The following PP2D1 variants were observed in gnomAD, a reference collection of about 807,000 sequenced individuals.
The protein encoded by PP2D1 is protein phosphatase 2C like domain containing 1.
Under a neutral mutation model 30.2 loss-of-function variants are expected in PP2D1, and 25 were observed. That is an observed-to-expected ratio of 0.83 (90% CI 0.60 to 1.16). The LOEUF (loss-of-function observed/expected upper bound fraction) is 1.16. Among genes scored for constraint, PP2D1 ranks in the 50% most tolerant of loss-of-function variants. PP2D1 has a pLI of 0.00. For synonymous variants in PP2D1, 260 were observed against 258.9 expected, an observed-to-expected ratio of 1.00 and a Z score of -0.04; for missense variants, 760 against 742.4, an observed-to-expected ratio of 1.02 and a Z score of -0.28.
At chr3:19,980,078 G>A (rs1696893681) in exon 4 of PP2D1, 1 of 152,166 alleles carries the variant, frequency 6.6e-6, no homozygotes, top group African/African-American at 2.4e-5. Context: ...AAAAACTCAA[G>A]TTTGCAGTTT....
intron 1 of PP2D1, among the ~76,000 whole-genome samples, chr3:20,003,468 C>T (rs940671508): frequency 4.0e-5 from 6 of 151,478 alleles, no homozygotes; most frequent in East Asian, 1.9e-4. Flanking sequence ...TTTAGCTGGG[C>T]GCGATGGCTC....
At chr3:19,993,976 C>G (rs973051696) in intron 2 of PP2D1, among the ~76,000 whole-genome samples, 1 of 151,874 alleles carries the variant, frequency 6.6e-6, no homozygotes, top group Non-Finnish European at 1.5e-5. Flanking sequence ...TTGTGATCCA[C>G]CCACCTCGGC....
intron 1 of PP2D1, among the ~76,000 whole-genome samples, chr3:20,010,097 A>C (rs1417471353): frequency 6.6e-6 from 1 of 151,752 alleles, no homozygotes; most frequent in Non-Finnish European, 1.5e-5. Context: ...ACCTTATTTT[A>C]TGTTATTTTA....
chr3:19,991,426 A>G (rs899647310), intron 2 of PP2D1, among the ~76,000 whole-genome samples: 1 of 152,182 alleles, frequency 6.6e-6, no homozygotes, highest in Non-Finnish European at 1.5e-5. Flanking sequence ...AAAACAAGAG[A>G]GTTTAAAGAA....
Position 20,011,755 on chromosome 3 carries a change from C to T in PP2D1, c.23+295G>A, listed in dbSNP as rs1056197830. On this transcript the variant is annotated intron_variant, in intron 1 of 2. Transcript: ENST00000389050. Reference sequence around the variant, plus strand: ...CGGAGTTTGCAGTGAGCCGAGATCGCGCCATTGCACTCCAGCCTGGGCAAC... The same window carrying T: ...CGGAGTTTGCAGTGAGCCGAGATCGTGCCATTGCACTCCAGCCTGGGCAAC... 4.0e-5 allele frequency among the ~76,000 whole-genome samples: 6 copies of T among 151,832 alleles called. No individual in the cohort carries two copies. In the East Asian group the frequency reaches 5.8e-4, roughly 15 times the overall value.
At chr3:19,990,902 A>G (rs1308029683) in intron 2 of PP2D1, among the ~76,000 whole-genome samples, 2 of 152,164 alleles carry the variant, frequency 1.3e-5, no homozygotes, top group African/African-American at 4.8e-5. Context: ...CCAGCCTTCA[A>G]TAGTTTAAGA....
chr3:19,986,077 G>A lies in PP2D1; in HGVS notation c.1196C>T (p.Ala399Val). 1 of 1,535,968 alleles carries A rather than the reference G, an allele frequency of 6.5e-7. No individual in the cohort carries two copies. The highest frequency in any genetic ancestry group is 2.4e-5 in the East Asian group (1 of 40,898). ...GTATGGTTCATTTGAACTAATGACT[G>A]CTCCATTCTGAAGTATTCTTCTTCT... is the stretch of plus-strand genomic sequence containing the variant. ...NERRRILQNGAVISSNEPYGL... is the reference protein window; with the variant it reads ...NERRRILQNGVVISSNEPYGL... Residue 399 changes from alanine (A) to valine (V), a missense_variant, in exon 3 of 3, where the codon GCA (alanine) becomes GTA (valine). Physicochemically the swap from Ala to Val is moderately conservative, Grantham distance 64. Around this residue, in one of 3 missense-constraint regions of PP2D1, gnomAD observed 369 missense variants for 316.2 expected, o/e 1.17. Transcript: ENST00000389050.
Position 19,986,154 on chromosome 3 carries a change from A to G in PP2D1, c.1119T>C (p.Asn373=), listed in dbSNP as rs891216998. ...CTTTGGTTAGGCAAAAACCTTTCCC[A>G]TTTCTGCATAAGACTGCTTGCACAT... ...TGNVQAVLCR[N]GKGFCLTKEH... is the part of the protein sequence containing the mutation. Residue 373 remains asparagine, a synonymous_variant, in exon 3 of 3, where the codon AAT becomes AAC. Transcript: ENST00000389050. The G allele has an allele frequency of 7.2e-6, 11 of 1,518,838 alleles. No homozygotes were observed. The Admixed American group carries it at 1.9e-4, about 26-fold the overall frequency. 94.1% of individuals were successfully genotyped at this position (1,518,838 alleles called of 1,614,324 possible).
At chr3:20,000,999 G>A in intron 2 of PP2D1, 31 bp downstream of exon 2, 2 of 1,204,882 alleles carry the variant, frequency 1.7e-6, no homozygotes, top group African/African-American at 1.5e-5. Flanking sequence ...AAAACATAAA[G>A]GTGTTATTTG....
Position 19,985,492 on chromosome 3 carries a change from G to GGTTT in PP2D1, c.1780_1781insAAAC (p.Ala594GlufsTer3), listed in dbSNP as rs749921050. On this transcript the variant is annotated frameshift_variant, in exon 3 of 3. Coordinates refer to ENST00000389050, the MANE Select transcript of PP2D1 (RefSeq NM_001252657.2). LOFTEE classifies it high-confidence loss of function. ...TACAAGTTCATGGCTAACATACTCA[G>GGTTT]CTGCGCCTTCATAGAAACTCTTAGT... 6.5e-7 allele frequency: 1 copy of GGTTT among 1,536,064 alleles called. No individual in the cohort carries two copies. The highest frequency in any genetic ancestry group is 1.2e-5 in the South Asian group (1 of 84,062).
Position 19,989,840 on chromosome 3 carries a change from C to G in PP2D1, c.1091-3658G>C, listed in dbSNP as rs1305967100. On this transcript the variant is annotated intron_variant, in intron 2 of 2. Transcript: ENST00000389050. ...AAATGTTCATTTGCATGTGGCAAGT[C>G]AAAGGCCATTTAGCAAAAAGAAAAA... 3.9e-5 allele frequency among the ~76,000 whole-genome samples: 6 copies of G among 152,248 alleles called. No individual in the cohort carries two copies. In the East Asian group the frequency reaches 1.2e-3, roughly 29 times the overall value.
At chr3:19,995,628 C>T (rs9877957) in intron 2 of PP2D1, among the ~76,000 whole-genome samples, 2,685 of 152,212 alleles carry the variant, frequency 0.018, 71 homozygotes, top group African/African-American at 0.06. Context: ...ATAACACCCA[C>T]GATAAGTGAA....
intron 2 of PP2D1, among the ~76,000 whole-genome samples, chr3:19,989,350 A>G (rs1389490525): frequency 6.6e-6 from 1 of 152,204 alleles, no homozygotes; most frequent in Non-Finnish European, 1.5e-5. Context: ...TTGGTAAAGC[A>G]TTAGTGTCAG....
At chr3:20,000,818 C>T (rs1055667532) in intron 2 of PP2D1, among the ~76,000 whole-genome samples, 2 of 152,200 alleles carry the variant, frequency 1.3e-5, no homozygotes, top group Non-Finnish European at 2.9e-5. Context: ...TATATCATAT[C>T]TGTGCCTCTT....
At chr3:19,989,560 CTT>C (rs973826862) in intron 2 of PP2D1, among the ~76,000 whole-genome samples, 13 of 152,278 alleles carry the variant, frequency 8.5e-5, no homozygotes, top group African/African-American at 3.1e-4. Flanking sequence ...GATTATTCGA[CTT>C]AGATTTTGCA....
chr3:20,001,287 T>C lies in PP2D1; in HGVS notation c.833A>G (p.Glu278Gly). Residue 278 changes from glutamate (E) to glycine (G), a missense_variant, in exon 2 of 3, where the codon GAG becomes GGG. Around this residue, in one of 3 missense-constraint regions of PP2D1, gnomAD observed 374 missense variants for 388.8 expected, o/e 0.96. Coordinates refer to ENST00000389050, the MANE Select transcript of PP2D1 (RefSeq NM_001252657.2). ...AAAGGCTTTGTGTGTGTCCTCATAC[T>C]CACACCTCACTGCTTCTGTTTTGTT... Reference protein sequence around the residue: ...AINKTEAVRCEYEDTHKAFAK... With the variant: ...AINKTEAVRCGYEDTHKAFAK... The C allele has an allele frequency of 6.5e-7, 1 of 1,536,008 alleles. No homozygotes were observed. The highest frequency in any genetic ancestry group is 8.7e-7 in the Non-Finnish European group (1 of 1,146,798).
chr3:20,006,742 C>T (rs1227305412), intron 1 of PP2D1, among the ~76,000 whole-genome samples: 1 of 151,962 alleles, frequency 6.6e-6, no homozygotes, highest in African/African-American at 2.4e-5. Context: ...GCTAGGATTA[C>T]AGGTGTGAGC....
chr3:20,007,657 A>G (rs1697336069), intron 1 of PP2D1, among the ~76,000 whole-genome samples: 1 of 151,752 alleles, frequency 6.6e-6, no homozygotes, highest in East Asian at 1.9e-4. Flanking sequence ...AATTCCAGCT[A>G]CTTGGGAGGC....
chr3:20,003,506 G>A (rs1466081515), intron 1 of PP2D1, among the ~76,000 whole-genome samples: 2 of 152,002 alleles, frequency 1.3e-5, no homozygotes, highest in Non-Finnish European at 2.9e-5. Flanking sequence ...ACTTTGGGAG[G>A]CCGAGGCGGG....
Sources: gnomAD v4.1 joint callset for allele counts (sites outside exome capture counted in the v4.1 genomes callset) on GRCh38, gnomAD v4.1.1 for gene constraint, gnomAD v4.1.1 regional missense constraint, MANE v1.5 for transcripts, NCBI Gene and HGNC (gene_info 2026-07-23, HGNC 2026-07-21) for gene names.